BAZ2B: variants seen among roughly 807,000 people sequenced by gnomAD.
BAZ2B encodes the protein bromodomain adjacent to zinc finger domain 2B.
BAZ2B carries 91 observed loss-of-function variants against 246.0 expected under a neutral mutation model. The observed-to-expected ratio is 0.37, with a 90% CI of 0.31 to 0.44. The LOEUF is 0.44. Among genes scored for constraint, BAZ2B ranks in the 20% least tolerant of loss-of-function variants. The probability of loss-of-function intolerance (pLI) is 1.00; values close to 1 mark genes in which losing one functional copy is unlikely to be tolerated. For synonymous variants in BAZ2B, 855 were observed against 860.0 expected, an observed-to-expected ratio of 0.99 and a Z score of 0.10; for missense variants, 2,332 against 2,533.7, an observed-to-expected ratio of 0.92 and a Z score of 1.71.
At chr2:159,320,520 G>A in intron 36 of BAZ2B, 102 bp from the exon 37 acceptor site, 1 of 931,648 alleles carries the variant, frequency 1.1e-6, no homozygotes. Context: ...AAAATGATTA[G>A]GATAACTGCA....
intron 2 of BAZ2B, among the ~76,000 whole-genome samples, chr2:159,548,472 C>A (rs2087680705): frequency 6.6e-6 from 1 of 152,046 alleles, no homozygotes; most frequent in Admixed American, 6.6e-5. Context: ...GATATTTGAC[C>A]TTTCCAAGTC....
intron 1 of BAZ2B, among the ~76,000 whole-genome samples, chr2:159,588,369 C>T (rs774421449): frequency 2.0e-5 from 3 of 151,904 alleles, no homozygotes; most frequent in Non-Finnish European, 2.9e-5. Flanking sequence ...AACAATAACT[C>T]CAAAATAGGC....
intron 27 of BAZ2B, among the ~76,000 whole-genome samples, chr2:159,354,722 T>A (rs79237720): frequency 0.037 from 5,686 of 152,280 alleles, 226 homozygotes; most frequent in African/African-American, 0.1. Flanking sequence ...AATTTTAAAT[T>A]GTTTTCTATC....
chr2:159,482,252 G>A (rs1321837537), intron 2 of BAZ2B, among the ~76,000 whole-genome samples: 1 of 151,920 alleles, frequency 6.6e-6, no homozygotes, highest in Non-Finnish European at 1.5e-5. Context: ...AGACTACATT[G>A]TGTCACTGAG....
Position 159,395,691 on chromosome 2 carries a change from T to C in BAZ2B, c.3075+78A>G, listed in dbSNP as rs933968039. On this transcript the variant is annotated intron_variant, in intron 20 of 36. Coordinates refer to ENST00000392783, the MANE Select transcript of BAZ2B (RefSeq NM_013450.4). ...CACAACAAACCTATATTCTGAAAAATTTATATTTAGAAGAGCCAATGCTTT... is the reference window on the plus strand; with the variant it reads ...CACAACAAACCTATATTCTGAAAAACTTATATTTAGAAGAGCCAATGCTTT... 5.3e-6 allele frequency: 7 copies of C among 1,318,294 alleles called. No homozygotes were observed. The East Asian group carries it at 1.8e-4, about 33-fold the overall frequency. 81.7% of individuals were successfully genotyped at this position (1,318,294 alleles called of 1,614,324 possible). A position where few individuals can be genotyped will look rare whatever the true frequency, so the allele number is the denominator to read the frequency against.
intron 2 of BAZ2B, among the ~76,000 whole-genome samples, chr2:159,489,593 C>G (rs1320114403): frequency 1.3e-5 from 2 of 151,898 alleles, no homozygotes; most frequent in African/African-American, 4.8e-5. Flanking sequence ...CCGGATAAAC[C>G]GAAAAAGAAA....
At chr2:159,620,394 G>C (rs1696382560), upstream of BAZ2B, among the ~76,000 whole-genome samples, 2 of 152,148 alleles carry the variant, frequency 1.3e-5, no homozygotes, top group Non-Finnish European at 2.9e-5. Context: ...CTAGAGGCTG[G>C]AAAAACATGA....
chr2:159,597,240 T>A (rs1458980504), intron 1 of BAZ2B, among the ~76,000 whole-genome samples: 3 of 152,316 alleles, frequency 2.0e-5, no homozygotes, highest in East Asian at 3.9e-4. Context: ...TTTGATGGGA[T>A]TGTTTTTTTC....
chr2:159,396,735 G>A (rs961253946), intron 19 of BAZ2B, among the ~76,000 whole-genome samples: 7 of 151,972 alleles, frequency 4.6e-5, no homozygotes, highest in Non-Finnish European at 8.8e-5. Context: ...AATTCCCACT[G>A]TATTCAATGG....
intron 3 of BAZ2B, among the ~76,000 whole-genome samples, chr2:159,466,268 GATTA>G (rs936000455): frequency 1.2e-4 from 18 of 152,278 alleles, no homozygotes; most frequent in African/African-American, 4.1e-4. Flanking sequence ...ATAGTCACTT[GATTA>G]TTACCAGAGC....
At chr2:159,559,239 T>A (rs1211489010) in intron 1 of BAZ2B, among the ~76,000 whole-genome samples, 2 of 149,854 alleles carry the variant, frequency 1.3e-5, no homozygotes, top group African/African-American at 4.9e-5. Context: ...AGTAACCCTG[T>A]TAAAAAAAAA....
chr2:159,649,114 T>C, the BAZ2B span, among the ~76,000 whole-genome samples: 1 of 152,226 alleles, frequency 6.6e-6, no homozygotes, highest in African/African-American at 2.4e-5. Context: ...CACCCTTTTA[T>C]ATTTTTTGGT....
the BAZ2B span, among the ~76,000 whole-genome samples, chr2:159,661,966 A>C: frequency 6.6e-6 from 1 of 152,094 alleles, no homozygotes; most frequent in Non-Finnish European, 1.5e-5. Flanking sequence ...CCCCCCACCC[A>C]AAATAACCCA....
At chr2:159,539,710 T>C (rs2086430972) in intron 2 of BAZ2B, among the ~76,000 whole-genome samples, 2 of 152,230 alleles carry the variant, frequency 1.3e-5, no homozygotes, top group African/African-American at 4.8e-5. Context: ...ACCCTGTCTG[T>C]ATTTAATTTA....
intron 4 of BAZ2B, among the ~76,000 whole-genome samples, chr2:159,452,436 G>A (rs182425747): frequency 2.3e-4 from 35 of 152,178 alleles, no homozygotes; most frequent in South Asian, 1.7e-3. Flanking sequence ...TATGATTCTC[G>A]TTTTTCAGAT....
intron 2 of BAZ2B, among the ~76,000 whole-genome samples, chr2:159,518,249 G>C (rs146111083): frequency 1.8e-4 from 27 of 152,306 alleles, no homozygotes; most frequent in African/African-American, 4.8e-4. Context: ...TTTATCAAGA[G>C]GCAGTAACTT....
the BAZ2B span, among the ~76,000 whole-genome samples, chr2:159,679,715 T>C: frequency 6.6e-6 from 1 of 152,248 alleles, no homozygotes; most frequent in African/African-American, 2.4e-5. Flanking sequence ...TTCATATTTA[T>C]ATATGAGAAA....
the BAZ2B span, among the ~76,000 whole-genome samples, chr2:159,670,523 T>C: frequency 6.6e-6 from 1 of 152,210 alleles, no homozygotes; most frequent in African/African-American, 2.4e-5. Context: ...TACGTTGTTA[T>C]AGTTTTATGT....
At chr2:159,477,221 C>T (rs149460832) in intron 3 of BAZ2B, among the ~76,000 whole-genome samples, 157 of 152,104 alleles carry the variant, frequency 1.0e-3, no homozygotes, top group South Asian at 0.01. Context: ...ACAAGAATGG[C>T]GTGAACCCAG....
Sources: allele counts gnomAD v4.1 joint callset (sites outside exome capture counted in the v4.1 genomes callset), GRCh38; gene constraint gnomAD v4.1.1; transcripts MANE v1.5; gene names NCBI Gene and HGNC (gene_info 2026-07-23, HGNC 2026-07-21).